The following ADNP2 variants were observed in gnomAD, a reference collection of about 807,000 sequenced individuals.
ADNP2 encodes ADNP homeobox 2.
Under a neutral mutation model 16.4 loss-of-function variants are expected in ADNP2, and 8 were observed. The observed-to-expected ratio is 0.49, with a 90% CI of 0.29 to 0.88. The LOEUF is 0.88. Among genes scored for constraint, ADNP2 ranks in the 40% least tolerant of loss-of-function variants. The pLI is 0.09. For synonymous variants in ADNP2, 637 were observed against 545.8 expected, an observed-to-expected ratio of 1.17 and a Z score of -2.33; for missense variants, 1,397 against 1,395.1, an observed-to-expected ratio of 1.00 and a Z score of -0.02.
At chr18:80,117,041 A>G (rs929455678) in intron 1 of ADNP2, among the ~76,000 whole-genome samples, 4 of 152,184 alleles carry the variant, frequency 2.6e-5, no homozygotes, top group Non-Finnish European at 5.9e-5. Context: ...TGTTTTAATT[A>G]TTGAGATACA....
intron 2 of ADNP2, among the ~76,000 whole-genome samples, chr18:80,128,246 G>C (rs2052473200): frequency 6.6e-6 from 1 of 152,148 alleles, no homozygotes; most frequent in Admixed American, 6.5e-5. Context: ...GCTTATTTCT[G>C]TTTGTTTCAG....
At chr18:80,128,532 C>A (rs982354885) in intron 2 of ADNP2, among the ~76,000 whole-genome samples, 9 of 152,108 alleles carry the variant, frequency 5.9e-5, no homozygotes, top group African/African-American at 9.7e-5. Context: ...TGCCTGTAGT[C>A]CCAGCTAGTG....
At chr18:80,121,687 C>G (rs892714631) in intron 2 of ADNP2, among the ~76,000 whole-genome samples, 1 of 152,106 alleles carries the variant, frequency 6.6e-6, no homozygotes, top group African/African-American at 2.4e-5. Context: ...AGTCGCTGAT[C>G]TATTTTGAGT....
Position 80,124,653 on chromosome 18 carries a change from C to T in ADNP2, c.108+7003C>T, listed in dbSNP as rs574760231. Among the ~76,000 whole-genome samples, 19 of 152,240 alleles carry T rather than the reference C, an allele frequency of 1.2e-4. No individual in the cohort carries two copies. The South Asian group carries it at 2.5e-3, about 20-fold the overall frequency. Reference sequence around the variant, plus strand: ...ATGCAGGCATGATTGATTAAATCATCTTAACCTTCAGCCCTTCTCCCTGCC... The same window carrying T: ...ATGCAGGCATGATTGATTAAATCATTTTAACCTTCAGCCCTTCTCCCTGCC... On this transcript the variant is annotated intron_variant, in intron 2 of 3. Coordinates refer to ENST00000262198, the MANE Select transcript of ADNP2 (RefSeq NM_014913.4).
At chr18:80,119,849 G>A (rs1424084435) in intron 2 of ADNP2, among the ~76,000 whole-genome samples, 1 of 152,208 alleles carries the variant, frequency 6.6e-6, no homozygotes, top group African/African-American at 2.4e-5. Context: ...GCCAGTGCAG[G>A]ACAGGAATGG....
intron 3 of ADNP2, among the ~76,000 whole-genome samples, chr18:80,135,199 G>C (rs953924706): frequency 6.6e-6 from 1 of 152,182 alleles, no homozygotes; most frequent in Admixed American, 6.5e-5. Context: ...TCCTATATTT[G>C]TATGAATTAG....
chr18:80,129,259 A>G (rs1208112706), intron 2 of ADNP2, among the ~76,000 whole-genome samples: 1 of 151,492 alleles, frequency 6.6e-6, no homozygotes, highest in Non-Finnish European at 1.5e-5. Flanking sequence ...ACCCGCCACC[A>G]CGCCCAGCTA....
chr18:80,117,120 C>T (rs1267361729), intron 1 of ADNP2, among the ~76,000 whole-genome samples: 3 of 152,098 alleles, frequency 2.0e-5, no homozygotes, highest in African/African-American at 7.2e-5. Flanking sequence ...TATTTTCTCC[C>T]GTTTTGTGGG....
rs148610630 is a variant in ADNP2 at position 80,136,325 on chromosome 18, C to T, written c.912C>T (p.Ala304=). ...LALPQNSPSP[A]AGQPVTVAQG... ...TGCCACAGAACAGTCCAAGCCCAGC[C>T]GCAGGACAGCCAGTGACTGTGGCCC... Residue 304 remains alanine (A), a synonymous_variant, in exon 4 of 4, where the codon GCC becomes GCT. Coordinates refer to ENST00000262198, the MANE Select transcript of ADNP2 (RefSeq NM_014913.4). The T allele has an allele frequency of 9.9e-5, 160 of 1,614,026 alleles. No individual in the cohort carries two copies. Among genetic ancestry groups the T allele is most frequent in the Non-Finnish European group, 1.2e-4 (145 of 1,179,976 alleles).
chr18:80,120,035 C>T (rs1312533181), intron 2 of ADNP2, among the ~76,000 whole-genome samples: 4 of 152,080 alleles, frequency 2.6e-5, no homozygotes, highest in African/African-American at 9.7e-5. Context: ...GGGGTGGGGA[C>T]TGGGAGGAAG....
chr18:80,122,195 C>T (rs2052429493), intron 2 of ADNP2, among the ~76,000 whole-genome samples: 1 of 152,168 alleles, frequency 6.6e-6, no homozygotes, highest in African/African-American at 2.4e-5. Flanking sequence ...GCTGGGATTA[C>T]AGATGTGAGC....
Position 80,139,578 on chromosome 18 carries a change from TAA to T in ADNP2, c.*770_*771del, listed in dbSNP as rs1356712229. On this transcript the variant is annotated 3_prime_UTR_variant, in exon 4 of 4. Coordinates refer to ENST00000262198, the MANE Select transcript of ADNP2 (RefSeq NM_014913.4). Reference sequence around the variant, plus strand: ...GTGTAGATTTTCCCTTTTGATATGCTAAGTCATTTCTCCGTTCAGAGGTAAAA... The same window carrying T: ...GTGTAGATTTTCCCTTTTGATATGCTGTCATTTCTCCGTTCAGAGGTAAAA... The T allele has an allele frequency of 1.3e-5, 2 of 152,198 alleles. No individual in the cohort carries two copies. Among genetic ancestry groups the T allele is most frequent in the Non-Finnish European group, 2.9e-5 (2 of 67,932 alleles). The allele number at this position is 152,198 out of a possible 1,614,324, so 9.4% of individuals were successfully genotyped here. A position where few individuals can be genotyped will look rare whatever the true frequency, so the allele number is the denominator to read the frequency against.
At position 80,138,221 on chromosome 18, in the gene ADNP2, G is replaced by A; in HGVS notation, c.2808G>A (p.Val936=). ...TGGCTGCCATCGCCGTCCATTTGGT[G>A]CGCTGCAGAAGTGCTCCCAAGGACA... ...MTLAAIAVHL[V]RCRSAPKDSS... is the part of the protein sequence containing the mutation. The change falls in exon 4 of 4, where the codon GTG becomes GTA. Residue 936 remains valine, a synonymous_variant. Transcript: ENST00000262198. 1 of 1,614,144 alleles carries A rather than the reference G, an allele frequency of 6.2e-7. No homozygotes were observed. The highest frequency in any genetic ancestry group is 8.5e-7 in the Non-Finnish European group (1 of 1,180,048).
intron 2 of ADNP2, 86 bp from the exon 3 acceptor site, chr18:80,133,017 G>A (rs2052508114): frequency 2.0e-6 from 2 of 976,104 alleles, no homozygotes; most frequent in South Asian, 2.9e-5. Context: ...CACTATGCCC[G>A]GCCTTATAAT....
At chr18:80,134,283 G>T (rs2052516945) in intron 3 of ADNP2, among the ~76,000 whole-genome samples, 1 of 152,028 alleles carries the variant, frequency 6.6e-6, no homozygotes. Context: ...CGCTTGAACC[G>T]GGATGGCGTA....
chr18:80,125,952 C>T (rs1357980239), intron 2 of ADNP2, among the ~76,000 whole-genome samples: 3 of 152,142 alleles, frequency 2.0e-5, no homozygotes, highest in African/African-American at 7.2e-5. Context: ...AAAGCCTAAA[C>T]TGTTTATTAA....
At position 80,109,397 on chromosome 18, in the gene ADNP2, G is replaced by C. The variant is rs1352829944; in HGVS notation, c.-89G>C. On this transcript the variant is annotated 5_prime_UTR_variant, in exon 1 of 4. Coordinates refer to ENST00000262198, the MANE Select transcript of ADNP2 (RefSeq NM_014913.4). ...GGGCGCAGGCGGCCCCACGGGACGC[G>C]GCTGCGCTCGGCGGAAGACGCGGCA... The C allele has an allele frequency of 6.7e-6, 1 of 148,468 alleles. No individual in the cohort carries two copies. The highest frequency in any genetic ancestry group is 2.4e-5 in the African/African-American group (1 of 41,068). The allele number at this position is 148,468 out of a possible 1,614,324, so 9.2% of individuals were successfully genotyped here.
intron 1 of ADNP2, 135 bp downstream of exon 1, chr18:80,109,607 C>T (rs1395260059): frequency 6.7e-6 from 1 of 148,916 alleles, no homozygotes; most frequent in Non-Finnish European, 1.5e-5. Flanking sequence ...GCCGCCTGCC[C>T]TCGCGCCGCC....
In ADNP2 at chr18:80,137,340, C is replaced by A; in HGVS notation, c.1927C>A (p.Leu643Ile). Reference sequence around the variant, plus strand: ...CGCTCCGCCCCAGATGCCCATCCAGCTCCTGCCGTCAGGTGCAGCTGCACC... The same window carrying A: ...CGCTCCGCCCCAGATGCCCATCCAGATCCTGCCGTCAGGTGCAGCTGCACC... ...TVAPPQMPIQ[L>I]LPSGAAAPMA... The change falls in exon 4 of 4, where the codon CTC becomes ATC. Residue 643 changes from leucine (L) to isoleucine (I), a missense_variant. By Grantham distance (5) the Leu-to-Ile change is conservative. This residue lies in a region of ADNP2 where 611 missense variants were observed against 648.7 expected (regional missense o/e 0.94). Transcript: ENST00000262198. The surrounding 1 kb of genome is among the most constrained non-coding windows in gnomAD (Gnocchi z 4.2). The A allele has an allele frequency of 1.2e-6, 2 of 1,614,010 alleles. No individual in the cohort carries two copies. Among genetic ancestry groups the A allele is most frequent in the East Asian group, 4.5e-5 (2 of 44,882 alleles).
Sources: gnomAD v4.1 joint callset for allele counts (sites outside exome capture counted in the v4.1 genomes callset) on GRCh38, gnomAD v4.1.1 for gene constraint, gnomAD v4.1.1 regional missense constraint, Gnocchi (gnomAD v3.1) non-coding constraint, MANE v1.5 for transcripts, NCBI Gene and HGNC (gene_info 2026-07-23, HGNC 2026-07-21) for gene names.